ITSN1: variants seen among roughly 807,000 people sequenced by gnomAD.
The protein encoded by ITSN1 is intersectin 1.
ITSN1 carries 58 observed loss-of-function variants against 239.8 expected under a neutral mutation model. That is an observed-to-expected ratio of 0.24 (90% CI 0.20 to 0.30). The LOEUF (loss-of-function observed/expected upper bound fraction) is 0.30. Among genes scored for constraint, ITSN1 ranks in the 10% least tolerant of loss-of-function variants. The pLI is 1.00. For missense variants in ITSN1, 1,558 were observed against 2,103.3 expected, an observed-to-expected ratio of 0.74 and a Z score of 5.07; for synonymous variants, 780 against 770.8, an observed-to-expected ratio of 1.01 and a Z score of -0.20.
chr21:33,668,638 C>T (rs1253392986), intron 1 of ITSN1, among the ~76,000 whole-genome samples: 1 of 152,174 alleles, frequency 6.6e-6, no homozygotes, highest in Non-Finnish European at 1.5e-5. Context: ...AAAGATTAGG[C>T]CTTCTGATAC....
At chr21:33,732,961 G>T (rs1339566581) in intron 4 of ITSN1, among the ~76,000 whole-genome samples, 1 of 152,124 alleles carries the variant, frequency 6.6e-6, no homozygotes, top group Non-Finnish European at 1.5e-5. Context: ...CTTTTCTTTG[G>T]TTGGGTAAAC....
intron 9 of ITSN1, among the ~76,000 whole-genome samples, chr21:33,762,836 G>GT (rs2068446908): frequency 6.6e-6 from 1 of 151,362 alleles, no homozygotes. Context: ...GCTAATTTTT[G>GT]TTTTTTTAGT....
At chr21:33,676,155 G>A (rs1199094607) in intron 1 of ITSN1, among the ~76,000 whole-genome samples, 1 of 151,180 alleles carries the variant, frequency 6.6e-6, no homozygotes, top group African/African-American at 2.4e-5. Context: ...GCTAATTTTT[G>A]TATTTTTAGT....
chr21:33,817,640 T>A, intron 22 of ITSN1: 1 of 1,232,084 alleles, frequency 8.1e-7, no homozygotes, highest in South Asian at 1.4e-5. Flanking sequence ...AAAGTGCTTT[T>A]CCCTAAATTA....
At chr21:33,653,407 C>T (rs1255703500) in intron 1 of ITSN1, among the ~76,000 whole-genome samples, 1 of 152,182 alleles carries the variant, frequency 6.6e-6, no homozygotes, top group Non-Finnish European at 1.5e-5. Context: ...GAATCTCAGC[C>T]CTCTAAGACT....
rs140689199 is a variant in ITSN1, at chr21:33,866,545, C to T, written c.4075-688C>T. On this transcript the variant is annotated intron_variant, in intron 32 of 39. Coordinates refer to ENST00000381318, the MANE Select transcript of ITSN1 (RefSeq NM_003024.3). ...TCCTCTCAGTGGGAATGTGGCACGTCGTTGCCAGCTGCGAGGTGTTCCTGG... is the reference window on the plus strand; with the variant it reads ...TCCTCTCAGTGGGAATGTGGCACGTTGTTGCCAGCTGCGAGGTGTTCCTGG... 2.6e-4 allele frequency among the ~76,000 whole-genome samples: 39 copies of T among 152,116 alleles called. No homozygotes were observed. In the East Asian group the frequency reaches 6.4e-3, roughly 25 times the overall value.
At chr21:33,836,342 G>A in intron 28 of ITSN1, 99 bp from the exon 29 acceptor site, 1 of 829,476 alleles carries the variant, frequency 1.2e-6, no homozygotes, top group Non-Finnish European at 1.8e-6. Context: ...TCTTCTGAAA[G>A]GACAGAAATA....
chr21:33,696,757 C>T (rs1214392830), intron 1 of ITSN1, among the ~76,000 whole-genome samples: 4 of 152,216 alleles, frequency 2.6e-5, no homozygotes, highest in Admixed American at 2.6e-4. Flanking sequence ...ACAGTTAGTA[C>T]TTTCTATGTA....
chr21:33,898,503 T>A lies in ITSN1; in HGVS notation c.*10203T>A, dbSNP rs1225217165. 6.6e-6 allele frequency: 1 copy of A among 152,218 alleles called. No individual in the cohort carries two copies. Among genetic ancestry groups the A allele is most frequent in the African/African-American group, 2.4e-5 (1 of 41,450 alleles). The allele number at this position is 152,218 out of a possible 1,614,324, so 9.4% of individuals were successfully genotyped here. A position where few individuals can be genotyped will look rare whatever the true frequency, so the allele number is the denominator to read the frequency against. On this transcript the variant is annotated 3_prime_UTR_variant, in exon 40 of 40. Transcript: ENST00000381318. Reference sequence around the variant, plus strand: ...TGTACTTGGCCACCAGAAGTGCCCCTTAGGCCACCTAAGGAGGATTCTGTG... The same window carrying A: ...TGTACTTGGCCACCAGAAGTGCCCCATAGGCCACCTAAGGAGGATTCTGTG...
chr21:33,762,336 G>A (rs566480314), intron 9 of ITSN1, among the ~76,000 whole-genome samples: 18 of 150,492 alleles, frequency 1.2e-4, no homozygotes, highest in Non-Finnish European at 2.5e-4. Context: ...GTACGATCTC[G>A]GCTCACCGCA....
At chr21:33,871,130 C>CA (rs748935209) in intron 33 of ITSN1, among the ~76,000 whole-genome samples, 3,031 of 132,842 alleles carry the variant, frequency 0.023, 33 homozygotes, top group African/African-American at 0.032. Flanking sequence ...GACTCTGTCT[C>CA]AAAAAAAAAA....
intron 29 of ITSN1, among the ~76,000 whole-genome samples, chr21:33,850,333 G>T (rs571342245): frequency 4.4e-4 from 67 of 152,258 alleles, no homozygotes; most frequent in Admixed American, 5.9e-4. Flanking sequence ...AGGCTGGGTG[G>T]GATACCTGAG....
chr21:33,750,106 TG>T, intron 5 of ITSN1, 36 bp from the exon 6 acceptor site: 1 of 1,592,868 alleles, frequency 6.3e-7, no homozygotes, highest in Non-Finnish European at 8.6e-7. Context: ...GAAATGTGAT[TG>T]GATGTGAATG....
intron 1 of ITSN1, among the ~76,000 whole-genome samples, chr21:33,690,215 T>G (rs1481744871): frequency 6.7e-6 from 1 of 150,052 alleles, no homozygotes; most frequent in African/African-American, 2.5e-5. Flanking sequence ...GAGGTGGAGG[T>G]TGTAGTGAGC....
chr21:33,818,552 C>A, intron 23 of ITSN1, 80 bp downstream of exon 23: 1 of 1,232,862 alleles, frequency 8.1e-7, no homozygotes, highest in Non-Finnish European at 1.2e-6. Context: ...TTAAGATTCA[C>A]AGACAGGAGT....
intron 5 of ITSN1, among the ~76,000 whole-genome samples, chr21:33,739,178 C>G (rs549329029): frequency 6.6e-6 from 1 of 152,176 alleles, no homozygotes; most frequent in South Asian, 2.1e-4. Flanking sequence ...TTCAACTCCC[C>G]TACAGAGAAG....
intron 21 of ITSN1, among the ~76,000 whole-genome samples, chr21:33,813,111 A>G (rs2073023864): frequency 6.6e-6 from 1 of 152,124 alleles, no homozygotes; most frequent in Non-Finnish European, 1.5e-5. Context: ...AACTAACCTT[A>G]AGTGGCACAG....
At chr21:33,736,342 C>T (rs1322664510) in intron 5 of ITSN1, among the ~76,000 whole-genome samples, 1 of 152,204 alleles carries the variant, frequency 6.6e-6, no homozygotes, top group Non-Finnish European at 1.5e-5. Flanking sequence ...CAGAAATACT[C>T]TGGTTTTACT....
chr21:33,895,530 T>G lies in ITSN1; in HGVS notation c.*7230T>G, dbSNP rs73203689. 1.4e-5 allele frequency: 2 copies of G among 147,250 alleles called. No homozygotes were observed. The highest frequency in any genetic ancestry group is 4.2e-4 in the East Asian group (2 of 4,738). The allele number at this position is 147,250 out of a possible 1,614,324, so 9.1% of individuals were successfully genotyped here. A position where few individuals can be genotyped will look rare whatever the true frequency, so the allele number is the denominator to read the frequency against. On this transcript the variant is annotated 3_prime_UTR_variant, in exon 40 of 40. Coordinates refer to ENST00000381318, the MANE Select transcript of ITSN1 (RefSeq NM_003024.3). ...GCGCGTGTTTGTGTGTGCATGTGTGTGTGTCTACGTGTGTGTGCACGCATG... is the reference window on the plus strand; with the variant it reads ...GCGCGTGTTTGTGTGTGCATGTGTGGGTGTCTACGTGTGTGTGCACGCATG...
Sources: gnomAD v4.1 joint callset for allele counts (sites outside exome capture counted in the v4.1 genomes callset) on GRCh38, gnomAD v4.1.1 for gene constraint, MANE v1.5 for transcripts, NCBI Gene and HGNC (gene_info 2026-07-23, HGNC 2026-07-21) for gene names.